LAMA2: variants seen among roughly 807,000 people sequenced by gnomAD.
The protein encoded by LAMA2 is laminin subunit alpha 2.
In LAMA2, 269 loss-of-function variants were observed where a neutral mutation model predicts 364.8. The observed-to-expected ratio is 0.74, with a 90% CI of 0.67 to 0.82. The LOEUF is 0.82. LAMA2 is among the 40% of genes least tolerant of loss of function. LAMA2 has a pLI of 0.00. For missense variants in LAMA2, 3,807 were observed against 3,873.2 expected (o/e 0.98, Z 0.45); for synonymous variants, 1,379 against 1,370.6 (o/e 1.01, Z -0.14).
intron 12 of LAMA2, among the ~76,000 whole-genome samples, chr6:129,197,953 G>T (rs936126318): frequency 6.6e-6 from 1 of 152,168 alleles, no homozygotes; most frequent in East Asian, 1.9e-4. Context: ...TATATAAAAA[G>T]CATTTTAATA....
intron 1 of LAMA2, among the ~76,000 whole-genome samples, chr6:129,029,361 T>G (rs1322701166): frequency 6.6e-6 from 1 of 151,868 alleles, no homozygotes; most frequent in African/African-American, 2.4e-5. Flanking sequence ...ATATAAAAAC[T>G]CAGAAGTGGA....
At chr6:129,192,994 T>C in intron 12 of LAMA2, 141 bp downstream of exon 12, 2 of 922,062 alleles carry the variant, frequency 2.2e-6, no homozygotes, top group South Asian at 1.4e-5. Flanking sequence ...TCACATTGAG[T>C]TGGGCGTTTC....
intron 1 of LAMA2, among the ~76,000 whole-genome samples, chr6:128,975,415 T>G (rs535367651): frequency 2.0e-5 from 3 of 152,070 alleles, no homozygotes; most frequent in African/African-American, 7.2e-5. Context: ...GCACTTTAGC[T>G]TGGGAGGAGG....
chr6:128,916,232 A>G (rs35739184), intron 1 of LAMA2, among the ~76,000 whole-genome samples: 1 of 152,084 alleles, frequency 6.6e-6, no homozygotes, highest in African/African-American at 2.4e-5. Flanking sequence ...AAAAACAAAA[A>G]CAAAAAAACT....
chr6:128,945,851 G>C (rs1328149459), intron 1 of LAMA2, among the ~76,000 whole-genome samples: 1 of 152,216 alleles, frequency 6.6e-6, no homozygotes, highest in East Asian at 1.9e-4. Flanking sequence ...CAACAAAGTA[G>C]AAGATATAAT....
intron 1 of LAMA2, among the ~76,000 whole-genome samples, chr6:128,987,144 T>TG (rs1244735370): frequency 8.3e-5 from 12 of 143,786 alleles, no homozygotes; most frequent in East Asian, 2.1e-4. Context: ...TTTTTTGTTT[T>TG]TTTTTTTTTT....
chr6:129,029,580 T>A (rs1477019829), intron 1 of LAMA2, among the ~76,000 whole-genome samples: 1 of 151,402 alleles, frequency 6.6e-6, no homozygotes, highest in Non-Finnish European at 1.5e-5. Flanking sequence ...CTAAAAAAAA[T>A]TAGAAAATGT....
Position 129,139,771 on chromosome 6 carries a change from C to A in LAMA2, c.640-4130C>A, listed in dbSNP as rs556046871. On this transcript the variant is annotated intron_variant, in intron 4 of 64. Coordinates refer to ENST00000421865, the MANE Select transcript of LAMA2 (RefSeq NM_000426.4). Reference sequence around the variant, plus strand: ...TCAGCCACTCATTTACATAAAAATTCTTTGTCCATATCTGTACATCCTTAA... The same window carrying A: ...TCAGCCACTCATTTACATAAAAATTATTTGTCCATATCTGTACATCCTTAA... 2.0e-3 allele frequency among the ~76,000 whole-genome samples: 303 copies of A among 152,224 alleles called. 1 individual carries two copies. The highest frequency in any genetic ancestry group is 3.5e-3 in the Non-Finnish European group (236 of 67,992).
rs769480101 is a variant in LAMA2 at position 129,192,724 on chromosome 6, C to T, written c.1653C>T (p.Arg551=). 6.2e-7 allele frequency: 1 copy of T among 1,614,168 alleles called. No homozygotes were observed. Among genetic ancestry groups the T allele is most frequent in the South Asian group, 1.1e-5 (1 of 91,084 alleles). Residue 551 remains arginine (R), a synonymous_variant, in exon 12 of 65, where the codon CGC becomes CGT. Transcript: ENST00000421865. ...SGWYLTDLPG[R]IRVAPQQDDL... ...GGTATCTGACTGACCTTCCTGGCCG[C>T]ATTCGAGTGGCTCCCCAGCAGGACG...
At chr6:128,929,722 CT>C in intron 1 of LAMA2, 1 of 1,347,912 alleles carries the variant, frequency 7.4e-7, no homozygotes, top group Non-Finnish European at 1.1e-6. Context: ...AAGGTCAGAC[CT>C]TCCCAATTCT....
intron 8 of LAMA2, chr6:129,158,225 T>G: frequency 6.2e-7 from 1 of 1,614,010 alleles, no homozygotes; most frequent in South Asian, 1.1e-5. Flanking sequence ...TCCAGGAACC[T>G]GTACCTTTAA....
At chr6:129,452,856 T>C in intron 45 of LAMA2, 132 bp from the exon 46 acceptor site, 1 of 791,428 alleles carries the variant, frequency 1.3e-6, no homozygotes, top group South Asian at 1.5e-5. Flanking sequence ...CATATGGGTG[T>C]TTAATGATAG....
chr6:129,253,571 T>C (rs559645713), intron 14 of LAMA2, among the ~76,000 whole-genome samples: 2 of 152,346 alleles, frequency 1.3e-5, no homozygotes, highest in Non-Finnish European at 2.9e-5. Context: ...AAGCAGCACT[T>C]AGGAATTAAT....
At chr6:129,098,628 G>A (rs891477582) in intron 4 of LAMA2, among the ~76,000 whole-genome samples, 1 of 152,182 alleles carries the variant, frequency 6.6e-6, no homozygotes, top group Non-Finnish European at 1.5e-5. Context: ...GTAAAGATCA[G>A]AGAAGAGGAA....
At position 129,159,735 on chromosome 6, in the gene LAMA2, AT is replaced by A. The variant is rs369687145; in HGVS notation, c.1206+5059del. ...CTATGGAGTATGATGTGAACTGCAT[AT>A]TTTTTTATGGACACCCTTTATCAGA... On this transcript the variant is annotated intron_variant, in intron 8 of 64. Transcript: ENST00000421865. Among the ~76,000 whole-genome samples the A allele has an allele frequency of 9.5e-3, 1,443 of 152,248 alleles. 20 individuals carry two copies. The highest frequency in any genetic ancestry group is 0.033 in the African/African-American group (1,370 of 41,540).
At chr6:129,299,378 G>T (rs1773406854) in intron 21 of LAMA2, among the ~76,000 whole-genome samples, 1 of 152,054 alleles carries the variant, frequency 6.6e-6, no homozygotes, top group Non-Finnish European at 1.5e-5. Context: ...AAAATATTTA[G>T]AGTAATGCCT....
chr6:129,163,554 A>C (rs1450259186), intron 8 of LAMA2, among the ~76,000 whole-genome samples: 1 of 152,190 alleles, frequency 6.6e-6, no homozygotes, highest in Non-Finnish European at 1.5e-5. Context: ...GAATAGCTTG[A>C]ACCCAGGAAG....
intron 41 of LAMA2, among the ~76,000 whole-genome samples, chr6:129,431,620 C>G (rs569069564): frequency 6.6e-6 from 1 of 152,012 alleles, no homozygotes; most frequent in Non-Finnish European, 1.5e-5. Flanking sequence ...ACATTAGACT[C>G]TTCATAAACT....
chr6:128,996,291 G>A (rs1246463029), intron 1 of LAMA2, among the ~76,000 whole-genome samples: 2 of 152,148 alleles, frequency 1.3e-5, no homozygotes, highest in African/African-American at 4.8e-5. Flanking sequence ...GAAAAGGCAT[G>A]ATGGTGGGGA....
Sources: gnomAD v4.1 joint callset for allele counts (sites outside exome capture counted in the v4.1 genomes callset) on GRCh38, gnomAD v4.1.1 for gene constraint, MANE v1.5 for transcripts, NCBI Gene and HGNC (gene_info 2026-07-23, HGNC 2026-07-21) for gene names.